The following CSNK1D variants were observed in gnomAD, a reference collection of about 807,000 sequenced individuals.
The protein encoded by CSNK1D is casein kinase 1 delta.
A neutral mutation model predicts 46.6 loss-of-function variants in CSNK1D; 16 were observed. That is an observed-to-expected ratio of 0.34 (90% confidence interval 0.23 to 0.52). CSNK1D has a LOEUF of 0.52. Among genes scored for constraint, CSNK1D ranks in the 20% least tolerant of loss-of-function variants. The pLI is 0.95. For synonymous variants in CSNK1D, 276 were observed against 228.2 expected (o/e 1.21, Z -1.89); for missense variants, 398 against 578.4 (o/e 0.69, Z 3.20).
chr17:82,270,131 T>C (rs1029312971), intron 1 of CSNK1D, among the ~76,000 whole-genome samples: 37 of 152,328 alleles, frequency 2.4e-4, no homozygotes, highest in Admixed American at 2.0e-3. Context: ...GAAGACAGAT[T>C]GTTCTTTTTG....
rs116245417 is a variant in CSNK1D at position 82,258,854 on chromosome 17, T to C, written c.188-3277A>G. Among the ~76,000 whole-genome samples, 1,514 of 152,304 alleles carry C rather than the reference T, an allele frequency of 9.9e-3. 27 individuals carry two copies. The highest frequency in any genetic ancestry group is 0.034 in the African/African-American group (1,427 of 41,558). ...GCTCAGTGTTCTAGGCTGTCCTCCT[T>C]CTAAGCCCTTCTCGTGGCCAGAACC... On this transcript the variant is annotated intron_variant, in intron 2 of 8. Coordinates refer to ENST00000314028, the MANE Select transcript of CSNK1D (RefSeq NM_001893.6).
In CSNK1D at chr17:82,273,235, C is replaced by T; in HGVS notation, c.76+71G>A. On this transcript the variant is annotated intron_variant, in intron 1 of 8. Transcript: ENST00000314028. The surrounding 1 kb of genome is among the most constrained non-coding windows in gnomAD (Gnocchi z 5.1). ...CCGCGGGGGCCACCACTTCCTTCCG[C>T]GATCGCGCTTGGTCTTGGCAGCCGC... The T allele has an allele frequency of 6.8e-7, 1 of 1,477,282 alleles. No individual in the cohort carries two copies. The highest frequency in any genetic ancestry group is 9.2e-7 in the Non-Finnish European group (1 of 1,085,802). The allele number at this position is 1,477,282 out of a possible 1,614,324, so 91.5% of individuals were successfully genotyped here. A position where few individuals can be genotyped will look rare whatever the true frequency, so the allele number is the denominator to read the frequency against.
intron 1 of CSNK1D, 112 bp from the exon 2 acceptor site, chr17:82,265,908 A>G (rs539230109): frequency 1.4e-5 from 12 of 882,844 alleles, no homozygotes; most frequent in Non-Finnish European, 2.1e-5. Context: ...CAAGTGAGGG[A>G]TGTGTTCTCC....
At chr17:82,269,746 T>G (rs1250626546) in intron 1 of CSNK1D, among the ~76,000 whole-genome samples, 1 of 152,210 alleles carries the variant, frequency 6.6e-6, no homozygotes, top group African/African-American at 2.4e-5. Flanking sequence ...CCAGCTGGGC[T>G]CTCACTGCCT....
chr17:82,247,875 T>C, intron 8 of CSNK1D: 1 of 985,430 alleles, frequency 1.0e-6, no homozygotes, highest in East Asian at 1.1e-4. Context: ...GTGAAATTAT[T>C]AGTGAATTAG....
chr17:82,249,776 CCCA>C lies in CSNK1D; in HGVS notation c.886-177_886-175del. On this transcript the variant is annotated intron_variant, in intron 6 of 8. Transcript: ENST00000314028. This position sits in a 1 kb window ranked among gnomAD's most constrained non-coding sequence, Gnocchi z 6.7. ...CTCCTCATGGGATGACAGCATCATC[CCCA>C]CAAGGGGTCAGAGCCAGGCCTCTCA... 2 of 1,468,274 alleles carry C rather than the reference CCCA, an allele frequency of 1.4e-6. No homozygotes were observed. Among genetic ancestry groups the C allele is most frequent in the Non-Finnish European group, 1.8e-6 (2 of 1,111,820 alleles). 91.0% of individuals were successfully genotyped at this position (1,468,274 alleles called of 1,614,324 possible).
chr17:82,255,163 G>A lies in CSNK1D; in HGVS notation c.336+266C>T. The stretch of plus-strand genomic sequence containing the variant: ...CAGAAGCCAGTGAGCTGGGCCGCCG[G>A]AGCCTCGAGAAGCCAGTGAGCTGGG... On this transcript the variant is annotated intron_variant, in intron 3 of 8. Transcript: ENST00000314028. This position sits in a 1 kb window ranked among gnomAD's most constrained non-coding sequence, Gnocchi z 5.9. 1 of 478,314 alleles carries A rather than the reference G, an allele frequency of 2.1e-6. No individual in the cohort carries two copies. The highest frequency in any genetic ancestry group is 2.0e-5 in the South Asian group (1 of 49,266). The allele number at this position is 478,314 out of a possible 1,614,324, so 29.6% of individuals were successfully genotyped here.
rs113284862 is a variant in CSNK1D at position 82,243,692 on chromosome 17, G to A, written c.*1089C>T. The A allele has an allele frequency of 2.5e-4, 245 of 985,468 alleles. 1 individual carries two copies. In the African/African-American group the frequency reaches 3.5e-3, roughly 14 times the overall value. The allele number at this position is 985,468 out of a possible 1,614,324, so 61.0% of individuals were successfully genotyped here. ...GGCTTTTCTGAGCTAGTCTTGGCACGTGGCAAGGACAGCCCCGCTCCTGGT... is the reference window on the plus strand; with the variant it reads ...GGCTTTTCTGAGCTAGTCTTGGCACATGGCAAGGACAGCCCCGCTCCTGGT... On this transcript the variant is annotated 3_prime_UTR_variant, in exon 9 of 9. Transcript: ENST00000314028.
At chr17:82,264,236 T>A (rs554024253) in intron 2 of CSNK1D, among the ~76,000 whole-genome samples, 1 of 152,288 alleles carries the variant, frequency 6.6e-6, no homozygotes, top group South Asian at 2.1e-4. Context: ...CCTACAAATG[T>A]GCCGCGGAGC....
rs758443503 is a variant in CSNK1D, at chr17:82,252,483, G to A, written c.687C>T (p.Ser229=). ...CGATGGGGGTGGACATTTTCTTCTC[G>A]CTAATCCTTTCGTATTTCTGTCTCT... ...ATKRQKYERI[S]EKKMSTPIEV... The change falls in exon 5 of 9, where the codon AGC becomes AGT. Residue 229 remains serine (S), a synonymous_variant. Transcript: ENST00000314028. This position sits in a 1 kb window ranked among gnomAD's most constrained non-coding sequence, Gnocchi z 4.6. 48 of 1,613,954 alleles carry A rather than the reference G, an allele frequency of 3.0e-5. 1 individual carries two copies. The South Asian group carries it at 4.7e-4, about 16-fold the overall frequency.
At position 82,249,999 on chromosome 17, in the gene CSNK1D, G is replaced by C. The variant is rs2050959479; in HGVS notation, c.886-397C>G. The C allele has an allele frequency of 1.6e-6, 2 of 1,233,370 alleles. No individual in the cohort carries two copies. Among genetic ancestry groups the C allele is most frequent in the South Asian group, 1.4e-5 (1 of 69,146 alleles). 76.4% of individuals were successfully genotyped at this position (1,233,370 alleles called of 1,614,324 possible). ...GCCCCAAATGGTGACAGCTGGGGAG[G>C]AAAGCGGGGTGGGGATGAGAGCGTT... On this transcript the variant is annotated intron_variant, in intron 6 of 8. Transcript: ENST00000314028. This position sits in a 1 kb window ranked among gnomAD's most constrained non-coding sequence, Gnocchi z 6.7.
chr17:82,253,578 G>C (rs1254524457), intron 3 of CSNK1D: 1 of 377,648 alleles, frequency 2.6e-6, no homozygotes, highest in Non-Finnish European at 5.1e-6. Flanking sequence ...AGGATTAGCA[G>C]AGAAACTGCA....
chr17:82,272,630 G>A (rs2051658228), intron 1 of CSNK1D, among the ~76,000 whole-genome samples: 1 of 152,202 alleles, frequency 6.6e-6, no homozygotes, highest in African/African-American at 2.4e-5. Flanking sequence ...CCAAGGCCAA[G>A]GGGAACCGTT....
At chr17:82,242,010 C>G (rs1270033861), downstream of CSNK1D, among the ~76,000 whole-genome samples, 1 of 139,572 alleles carries the variant, frequency 7.2e-6, no homozygotes, top group African/African-American at 2.6e-5. Context: ...CAGCGTGACC[C>G]TGGCCAAGGG....
At chr17:82,259,636 G>A (rs1055207290) in intron 2 of CSNK1D, among the ~76,000 whole-genome samples, 5 of 152,242 alleles carry the variant, frequency 3.3e-5, no homozygotes, top group African/African-American at 1.2e-4. Flanking sequence ...GACAAGATGT[G>A]CACAAAAGCA....
intron 2 of CSNK1D, among the ~76,000 whole-genome samples, chr17:82,263,964 G>T (rs1029041584): frequency 6.6e-6 from 1 of 152,220 alleles, no homozygotes; most frequent in African/African-American, 2.4e-5. Context: ...CTCTGGTCAC[G>T]TGAGGCCCGT....
At position 82,273,650 on chromosome 17, in the gene CSNK1D, G is replaced by A. The variant is rs1048342342; in HGVS notation, c.-269C>T. 1.5e-5 allele frequency: 8 copies of A among 548,920 alleles called. No individual in the cohort carries two copies. Among genetic ancestry groups the A allele is most frequent in the Non-Finnish European group, 2.6e-5 (8 of 313,594 alleles). 34.0% of individuals were successfully genotyped at this position (548,920 alleles called of 1,614,324 possible). On this transcript the variant is annotated 5_prime_UTR_variant, in exon 1 of 9. Transcript: ENST00000314028. The surrounding 1 kb of genome is among the most constrained non-coding windows in gnomAD (Gnocchi z 5.1). ...CGCCGCGGATGGACTCGGATCTTCCGGGCCTAAATCCCCTTTCAGCTGCCT... is the reference window on the plus strand; with the variant it reads ...CGCCGCGGATGGACTCGGATCTTCCAGGCCTAAATCCCCTTTCAGCTGCCT...
chr17:82,241,286 GA>G (rs2050738819), downstream of CSNK1D, among the ~76,000 whole-genome samples: 1 of 152,232 alleles, frequency 6.6e-6, no homozygotes. Flanking sequence ...AGGGGACCCA[GA>G]AAGGGCTTGG....
Position 82,273,207 on chromosome 17 carries a change from AC to A in CSNK1D, c.76+98del. On this transcript the variant is annotated intron_variant, in intron 1 of 8. Transcript: ENST00000314028. This position sits in a 1 kb window ranked among gnomAD's most constrained non-coding sequence, Gnocchi z 5.1. ...CGGCGGTGCCGGGACTTGCGCGGAG[AC>A]CCCGCGGGGGCCACCACTTCCTTCC... 1.6e-6 allele frequency: 2 copies of A among 1,223,634 alleles called. No individual in the cohort carries two copies. The highest frequency in any genetic ancestry group is 1.1e-6 in the Non-Finnish European group (1 of 873,224). The allele number at this position is 1,223,634 out of a possible 1,614,324, so 75.8% of individuals were successfully genotyped here.
Sources: allele counts gnomAD v4.1 joint callset (sites outside exome capture counted in the v4.1 genomes callset), GRCh38; gene constraint gnomAD v4.1.1; non-coding constraint Gnocchi (gnomAD v3.1); transcripts MANE v1.5; gene names NCBI Gene and HGNC (gene_info 2026-07-23, HGNC 2026-07-21).